HDAC7: variants seen among roughly 807,000 people sequenced by gnomAD.
HDAC7 encodes histone deacetylase 7A.
HDAC7 carries 26 observed loss-of-function variants against 115.5 expected under a neutral mutation model. The ratio of observed to expected loss-of-function variants is 0.23; its 90% CI spans 0.16 to 0.31. The LOEUF (loss-of-function observed/expected upper bound fraction) is 0.31. Ranked by LOEUF, HDAC7 falls within the 10% of genes least tolerant of loss-of-function variation. The probability of loss-of-function intolerance (pLI) is 1.00; values close to 1 mark genes in which losing one functional copy is unlikely to be tolerated. For missense variants in HDAC7, 1,068 were observed against 1,329.0 expected (o/e 0.80, Z 3.05); for synonymous variants, 564 against 550.9 (o/e 1.02, Z -0.33).
rs1230893902 is a variant in HDAC7, at chr12:47,791,321, G to A, written c.1934-13C>T. Reference sequence around the variant, plus strand: ...TGTGCCAGGAGCCCTGCGGGGAGAGGCCCAGCCCACGTCAGCGTGAATACT... The same window carrying A: ...TGTGCCAGGAGCCCTGCGGGGAGAGACCCAGCCCACGTCAGCGTGAATACT... On this transcript the variant is annotated splice_polypyrimidine_tract_variant and intron_variant, in intron 15 of 25. Transcript: ENST00000080059. The A allele has an allele frequency of 3.8e-6, 6 of 1,577,570 alleles. No homozygotes were observed. The highest frequency in any genetic ancestry group is 2.6e-6 in the Non-Finnish European group (3 of 1,161,722).
chr12:47,784,797 A>AC, intron 24 of HDAC7: 1 of 1,535,048 alleles, frequency 6.5e-7, no homozygotes, highest in South Asian at 1.2e-5. Flanking sequence ...GTGTGAGGGC[A>AC]CCCACCGTAA....
At position 47,817,198 on chromosome 12, in the gene HDAC7, CTCCT is replaced by C. The variant is rs1259147041; in HGVS notation, c.19+2565_19+2568del. Among the ~76,000 whole-genome samples the C allele has an allele frequency of 5.9e-5, 9 of 152,344 alleles. No homozygotes were observed. The East Asian group carries it at 1.7e-3, about 29-fold the overall frequency. ...ACCCCCAGCTCACTGCTCTCACAGC[CTCCT>C]TCTCCAGCCTTGGCCTGGGCCTCCT... On this transcript the variant is annotated intron_variant, in intron 1 of 25. Transcript: ENST00000080059.
intron 21 of HDAC7, among the ~76,000 whole-genome samples, chr12:47,787,155 A>G (rs1274881840): frequency 1.3e-5 from 2 of 152,100 alleles, no homozygotes; most frequent in African/African-American, 4.8e-5. Flanking sequence ...GCTACTCACT[A>G]CTTGAGAGCT....
intron 22 of HDAC7, 81 bp from the exon 23 acceptor site, chr12:47,785,966 G>T (rs1592627532): frequency 7.4e-7 from 1 of 1,349,910 alleles, no homozygotes; most frequent in Admixed American, 2.6e-5. Context: ...TTCCCTGCTT[G>T]CTTCCTCCCT....
Position 47,785,757 on chromosome 12 carries a change from T to C in HDAC7, c.2701A>G (p.Asn901Asp), listed in dbSNP as rs1322071409. 1 of 1,606,056 alleles carries C rather than the reference T, an allele frequency of 6.2e-7. No homozygotes were observed. Among genetic ancestry groups the C allele is most frequent in the East Asian group, 2.2e-5 (1 of 44,636 alleles). The change falls in exon 23 of 26, where the codon AAC becomes GAC. Residue 901 changes from asparagine to aspartate, a missense_variant. Transcript: ENST00000080059. ...SEACVAALLG[N>D]RVDPLSEEGW... ...GGGGGAGGGAGACGGCTCACCCTGT[T>C]ACCCAGAAGAGCAGCCACACAGGCC...
chr12:47,786,998 TGTGTGTGTGCATGC>T (rs1385743892), intron 21 of HDAC7, among the ~76,000 whole-genome samples: 1 of 152,050 alleles, frequency 6.6e-6, no homozygotes, highest in African/African-American at 2.4e-5. Flanking sequence ...TGTGTGCATG[TGTGTGTGTGCATGC>T]AAGCATCTGT....
At chr12:47,785,310 G>T in intron 24 of HDAC7, 77 bp downstream of exon 24, 2 of 1,266,556 alleles carry the variant, frequency 1.6e-6, no homozygotes, top group Non-Finnish European at 2.2e-6. Flanking sequence ...GAAGCCCTAG[G>T]ATCTGGCCAC....
chr12:47,797,069 T>G lies in HDAC7; in HGVS notation c.651A>C (p.Arg217=). The change falls in exon 7 of 26, where the codon CGA becomes CGC. Residue 217 remains arginine (R), a synonymous_variant. Transcript: ENST00000080059. This position sits in a 1 kb window ranked among gnomAD's most constrained non-coding sequence, Gnocchi z 5.5. ...GGAGGCTGGGGGGCGCACTCTCCTT[T>G]CGGAGCAGTGGATTCTTCCTCCGCT... ...SLERRKNPLL[R]KESAPPSLRR... The G allele has an allele frequency of 6.2e-7, 1 of 1,607,060 alleles. No homozygotes were observed. The highest frequency in any genetic ancestry group is 1.1e-5 in the South Asian group (1 of 90,174).
intron 16 of HDAC7, 175 bp downstream of exon 16, chr12:47,791,083 AC>A: frequency 1.5e-6 from 1 of 660,588 alleles, no homozygotes; most frequent in Non-Finnish European, 2.7e-6. Flanking sequence ...GGTCCGAGAC[AC>A]GCCTGTCCAA....
At chr12:47,814,582 GGCTTTGATCTTGGCCTTGTGCA>G (rs1944798233) in intron 1 of HDAC7, among the ~76,000 whole-genome samples, 1 of 152,226 alleles carries the variant, frequency 6.6e-6, no homozygotes, top group Non-Finnish European at 1.5e-5. Flanking sequence ...GCAAGGGAGT[GGCTTTGATCTTGGCCTTGTGCA>G]GCTCCCCCTT....
At position 47,794,904 on chromosome 12, in the gene HDAC7, C is replaced by T; in HGVS notation, c.1314G>A (p.Arg438=). The change falls in exon 12 of 26, where the codon CGG becomes CGA. Residue 438 remains arginine, a synonymous_variant. Transcript: ENST00000080059. ...KRSAKPSEKP[R]LRQIPSAEDL... ...CTTCAGCCGAGGGTATCTGCCGCAG[C>T]CGGGGCTTCTCACTCGGCTTGGCTG... The T allele has an allele frequency of 6.2e-7, 1 of 1,613,214 alleles. No homozygotes were observed. The highest frequency in any genetic ancestry group is 8.5e-7 in the Non-Finnish European group (1 of 1,179,884).
intron 16 of HDAC7, chr12:47,790,420 G>A (rs1037420359): frequency 1.8e-5 from 3 of 164,530 alleles, no homozygotes; most frequent in Non-Finnish European, 2.7e-5. Flanking sequence ...GGGAGGGCGA[G>A]GCAGACCAAG....
chr12:47,819,059 TCA>T (rs1944934077), intron 1 of HDAC7: 1 of 152,272 alleles, frequency 6.6e-6, no homozygotes. Context: ...CCCCCACCCC[TCA>T]CACAGCCTGC....
chr12:47,794,750 A>C lies in HDAC7; in HGVS notation c.1458+10T>G, dbSNP rs1592652947. 1 of 1,565,214 alleles carries C rather than the reference A, an allele frequency of 6.4e-7. No homozygotes were observed. The highest frequency in any genetic ancestry group is 8.6e-7 in the Non-Finnish European group (1 of 1,158,614). ...GACACTTTCTGAGGGGCAGGTGGGG[A>C]CTGCCATACCTGAGGGTGCTGCTGG... On this transcript the variant is annotated intron_variant, in intron 12 of 25. Transcript: ENST00000080059.
Position 47,784,793 on chromosome 12 carries a change from G to A in HDAC7, c.2792-576C>T, listed in dbSNP as rs1367941362. On this transcript the variant is annotated intron_variant, in intron 24 of 25. Transcript: ENST00000080059. ...TGTCCTGGAATCTGGCTCAGTGTGA[G>A]GGCACCCACCGTAAGAGGAATCAGC... 3.3e-6 allele frequency: 5 copies of A among 1,535,146 alleles called. No homozygotes were observed. In the African/African-American group the frequency reaches 4.1e-5, roughly 13 times the overall value.
At position 47,793,728 on chromosome 12, in the gene HDAC7, G is replaced by T; in HGVS notation, c.1459-140C>A. 3.0e-6 allele frequency: 2 copies of T among 670,912 alleles called. No individual in the cohort carries two copies. Among genetic ancestry groups the T allele is most frequent in the Non-Finnish European group, 4.8e-6 (2 of 416,008 alleles). 41.6% of individuals were successfully genotyped at this position (670,912 alleles called of 1,614,324 possible). ...AAACCTAGACCTGCTGTCCAGTGGG[G>T]CTCTGGCCTTTGACTCTCTAAGCCC... is the stretch of plus-strand genomic sequence containing the variant. On this transcript the variant is annotated intron_variant, in intron 12 of 25. Transcript: ENST00000080059. The surrounding 1 kb of genome is among the most constrained non-coding windows in gnomAD (Gnocchi z 4.5).
In HDAC7 at chr12:47,791,623, C is replaced by T. The variant is rs753855692; in HGVS notation, c.1896G>A (p.Pro632=). Reference sequence around the variant, plus strand: ...CGTTGTCCAGTTTGAGGCGGCTGAGCGGGTTGGTGCCGTAGAGGAGCACGT... The same window carrying T: ...CGTTGTCCAGTTTGAGGCGGCTGAGTGGGTTGGTGCCGTAGAGGAGCACGT... ...ERHVLLYGTN[P]LSRLKLDNGK... is the part of the protein sequence containing the mutation. The change falls in exon 15 of 26, where the codon CCG becomes CCA. Residue 632 remains proline, a synonymous_variant. Coordinates refer to ENST00000080059, the MANE Select transcript of HDAC7 (RefSeq NM_015401.5). The T allele has an allele frequency of 1.5e-5, 24 of 1,610,108 alleles. No individual in the cohort carries two copies. Among genetic ancestry groups the T allele is most frequent in the Middle Eastern group, 1.7e-4 (1 of 6,058 alleles).
Position 47,809,489 on chromosome 12 carries a change from G to A in HDAC7, c.20-7215C>T, listed in dbSNP as rs1944556900. 3.3e-5 allele frequency among the ~76,000 whole-genome samples: 5 copies of A among 152,278 alleles called. No homozygotes were observed. In the South Asian group the frequency reaches 1.0e-3, roughly 32 times the overall value. ...AATATTAATAATGATCAACAATCAT[G>A]TGTTAATGCTTACTGTGTGCTGGCT... On this transcript the variant is annotated intron_variant, in intron 1 of 25. Transcript: ENST00000080059.
At position 47,797,250 on chromosome 12, in the gene HDAC7, C is replaced by CT; in HGVS notation, c.578-109dup. 24 of 1,563,220 alleles carry CT rather than the reference C, an allele frequency of 1.5e-5. No individual in the cohort carries two copies. The highest frequency in any genetic ancestry group is 2.1e-5 in the Non-Finnish European group (24 of 1,147,822). On this transcript the variant is annotated intron_variant, in intron 6 of 25. Coordinates refer to ENST00000080059, the MANE Select transcript of HDAC7 (RefSeq NM_015401.5). The surrounding 1 kb of genome is among the most constrained non-coding windows in gnomAD (Gnocchi z 5.5). Reference sequence around the variant, plus strand: ...TCGGTCAAGGAAAGAGAAGGCAGAACTAGAAAGAAGATCCTAGCCTACCGA... The same window carrying CT: ...TCGGTCAAGGAAAGAGAAGGCAGAACTTAGAAAGAAGATCCTAGCCTACCGA...
Sources: allele counts gnomAD v4.1 joint callset (sites outside exome capture counted in the v4.1 genomes callset), GRCh38; gene constraint gnomAD v4.1.1; non-coding constraint Gnocchi (gnomAD v3.1); transcripts MANE v1.5; gene names NCBI Gene and HGNC (gene_info 2026-07-23, HGNC 2026-07-21).